PXDNL: variants seen among roughly 807,000 people sequenced by gnomAD.
PXDNL encodes the protein peroxidasin like, also known as probable oxidoreductase PXDNL.
A neutral mutation model predicts 150.8 loss-of-function variants in PXDNL; 145 were observed. The ratio of observed to expected loss-of-function variants is 0.96; its 90% CI spans 0.84 to 1.10. The LOEUF (loss-of-function observed/expected upper bound fraction) is 1.10, where lower values mean the gene tolerates loss of function less well. Among genes scored for constraint, PXDNL ranks in the 50% least tolerant of loss-of-function variants. The pLI, the probability that PXDNL is intolerant of heterozygous loss-of-function variation, is 0.00. For synonymous variants in PXDNL, 757 were observed against 725.7 expected (o/e 1.04, Z -0.69); for missense variants, 2,087 against 1,873.9 (o/e 1.11, Z -2.10).
At chr8:51,759,535 T>TA (rs969073783) in intron 1 of PXDNL, among the ~76,000 whole-genome samples, 1 of 152,142 alleles carries the variant, frequency 6.6e-6, no homozygotes, top group Admixed American at 6.5e-5. Flanking sequence ...AGGCACGCCC[T>TA]AAATACTGGA....
At position 51,408,179 on chromosome 8, in the gene PXDNL, C is replaced by T; in HGVS notation, c.3445G>A (p.Gly1149Arg). The change falls in exon 17 of 23, where the codon GGG becomes AGG. Residue 1149 changes from glycine (G) to arginine (R), a missense_variant. Coordinates refer to ENST00000356297, the MANE Select transcript of PXDNL (RefSeq NM_144651.5). ...ATIIQRGRDH[G>R]IPPYVDFRVF... ...CTGAAGTCAACATATGGTGGGATCC[C>T]GTGGTCTCTACCCCTTTGAATGATG... 1 of 1,613,992 alleles carries T rather than the reference C, an allele frequency of 6.2e-7. No individual in the cohort carries two copies. Among genetic ancestry groups the T allele is most frequent in the Non-Finnish European group, 8.5e-7 (1 of 1,179,886 alleles).
At chr8:51,365,709 C>A (rs1213301401) in intron 19 of PXDNL, among the ~76,000 whole-genome samples, 1 of 152,174 alleles carries the variant, frequency 6.6e-6, no homozygotes, top group Non-Finnish European at 1.5e-5. Context: ...GAGTGATATG[C>A]TGAGACAGAA....
chr8:51,445,690 T>C (rs936781632), intron 12 of PXDNL, among the ~76,000 whole-genome samples: 10 of 152,346 alleles, frequency 6.6e-5, no homozygotes, highest in African/African-American at 2.2e-4. Flanking sequence ...TTAGTGTCCT[T>C]ACCTCATATT....
At chr8:51,606,038 T>C (rs1416862639) in intron 2 of PXDNL, among the ~76,000 whole-genome samples, 1 of 152,198 alleles carries the variant, frequency 6.6e-6, no homozygotes, top group East Asian at 1.9e-4. Context: ...TATATTATCT[T>C]GTTATAGCAA....
intron 2 of PXDNL, among the ~76,000 whole-genome samples, chr8:51,619,437 T>C (rs1416178437): frequency 1.3e-5 from 2 of 152,196 alleles, no homozygotes; most frequent in Non-Finnish European, 2.9e-5. Context: ...TGCCAGGTAA[T>C]ATGATTTGGG....
chr8:51,524,602 TG>T (rs1393732630), intron 4 of PXDNL, among the ~76,000 whole-genome samples: 1 of 152,210 alleles, frequency 6.6e-6, no homozygotes, highest in African/African-American at 2.4e-5. Flanking sequence ...ATTTTAGATG[TG>T]AAACTTTTCT....
chr8:51,654,474 A>AATAAATTGG (rs149657542), intron 2 of PXDNL, among the ~76,000 whole-genome samples: 3,923 of 152,284 alleles, frequency 0.026, 169 homozygotes, highest in African/African-American at 0.088. Context: ...ATAGAATACA[A>AATAAATTGG]ATAAATTGGA....
At chr8:51,742,945 A>C (rs1243189745) in intron 1 of PXDNL, among the ~76,000 whole-genome samples, 3 of 152,190 alleles carry the variant, frequency 2.0e-5, no homozygotes, top group Non-Finnish European at 4.4e-5. Context: ...TCTATAATTT[A>C]ATCAAAAGTT....
chr8:51,454,755 G>A lies in PXDNL; in HGVS notation c.983-970C>T, dbSNP rs755227119. Among the ~76,000 whole-genome samples, 286 of 152,086 alleles carry A rather than the reference G, an allele frequency of 1.9e-3. 4 individuals are homozygous for A. The highest frequency in any genetic ancestry group is 2.8e-4 in the Non-Finnish European group (19 of 68,016). ...AATTTAATTCCTAACAATATCGAAT[G>A]TCTTAAGTATATTAGTAACATACTG... is the stretch of plus-strand genomic sequence containing the variant. On this transcript the variant is annotated intron_variant, in intron 9 of 22. Coordinates refer to ENST00000356297, the MANE Select transcript of PXDNL (RefSeq NM_144651.5).
chr8:51,612,286 A>C (rs528720115), intron 2 of PXDNL, among the ~76,000 whole-genome samples: 10 of 152,240 alleles, frequency 6.6e-5, no homozygotes, highest in African/African-American at 2.4e-4. Context: ...AGCTGGCTTC[A>C]TGAAATGGGC....
intron 6 of PXDNL, among the ~76,000 whole-genome samples, chr8:51,480,949 C>T (rs1412568288): frequency 6.6e-6 from 1 of 152,056 alleles, no homozygotes; most frequent in Non-Finnish European, 1.5e-5. Flanking sequence ...TAAGAACAGA[C>T]TAATATAATA....
Position 51,501,890 on chromosome 8 carries a change from G to C in PXDNL, c.381-2120C>G, listed in dbSNP as rs554804035. Among the ~76,000 whole-genome samples the C allele has an allele frequency of 2.0e-5, 3 of 152,366 alleles. No homozygotes were observed. The East Asian group carries it at 5.8e-4, about 29-fold the overall frequency. On this transcript the variant is annotated intron_variant, in intron 4 of 22. Coordinates refer to ENST00000356297, the MANE Select transcript of PXDNL (RefSeq NM_144651.5). ...AGAGAGAGAAGTCTCTGTGACTGCAGTGAAGAAAGAGTTAGAAGGAGGGTC... is the reference window on the plus strand; with the variant it reads ...AGAGAGAGAAGTCTCTGTGACTGCACTGAAGAAAGAGTTAGAAGGAGGGTC...
chr8:51,321,280 A>G, intron 21 of PXDNL, among the ~76,000 whole-genome samples: 1 of 152,368 alleles, frequency 6.6e-6, no homozygotes, highest in Middle Eastern at 3.4e-3. Flanking sequence ...TTGTTATAAA[A>G]TAATATTTAT....
At chr8:51,448,896 C>A in intron 11 of PXDNL, 106 bp downstream of exon 11, 1 of 710,786 alleles carries the variant, frequency 1.4e-6, no homozygotes, top group Non-Finnish European at 2.6e-6. Context: ...GTAATTTTTT[C>A]ATGTCCATGA....
At chr8:51,670,569 A>G (rs1815478375) in intron 1 of PXDNL, among the ~76,000 whole-genome samples, 1 of 152,206 alleles carries the variant, frequency 6.6e-6, no homozygotes, top group Non-Finnish European at 1.5e-5. Flanking sequence ...TAAAAATATG[A>G]TATTATAATC....
chr8:51,521,667 G>A (rs923742837), intron 4 of PXDNL, among the ~76,000 whole-genome samples: 1 of 151,746 alleles, frequency 6.6e-6, no homozygotes, highest in East Asian at 1.9e-4. Context: ...GAAACACCAA[G>A]CAAGATAAAT....
At chr8:51,728,758 CTTAGT>C (rs1421413893) in intron 1 of PXDNL, among the ~76,000 whole-genome samples, 4 of 151,852 alleles carry the variant, frequency 2.6e-5, no homozygotes, top group African/African-American at 7.3e-5. Flanking sequence ...TTATAGTAGG[CTTAGT>C]TTAATTATTA....
At chr8:51,637,868 T>G (rs1400187259) in intron 2 of PXDNL, among the ~76,000 whole-genome samples, 1 of 152,018 alleles carries the variant, frequency 6.6e-6, no homozygotes, top group Non-Finnish European at 1.5e-5. Context: ...AAGATACTCC[T>G]CAAGAAGAGC....
At chr8:51,673,996 A>C (rs1815555727) in intron 1 of PXDNL, among the ~76,000 whole-genome samples, 1 of 152,204 alleles carries the variant, frequency 6.6e-6, no homozygotes, top group South Asian at 2.1e-4. Flanking sequence ...AATAAGACTA[A>C]AAACTTGAAG....
Sources: allele counts gnomAD v4.1 joint callset (sites outside exome capture counted in the v4.1 genomes callset), GRCh38; gene constraint gnomAD v4.1.1; transcripts MANE v1.5; gene names NCBI Gene and HGNC (gene_info 2026-07-23, HGNC 2026-07-21).